The following CCT8L2 variants were observed in gnomAD, a reference collection of about 807,000 sequenced individuals.
CCT8L2 encodes chaperonin containing TCP1 subunit 8 like 2, also known as T-complex protein 1 subunit theta-like 2.
Under a neutral mutation model 31.5 loss-of-function variants are expected in CCT8L2, and 29 were observed. The observed-to-expected ratio is 0.92, with a 90% CI of 0.68 to 1.25. The LOEUF is 1.25. CCT8L2 is among the 50% of genes most tolerant of loss of function. The pLI is 0.00. For synonymous variants in CCT8L2, 256 were observed against 290.1 expected, an observed-to-expected ratio of 0.88 and a Z score of 1.19; for missense variants, 589 against 695.7, an observed-to-expected ratio of 0.85 and a Z score of 1.73.
In CCT8L2 at chr22:16,591,956, T is replaced by C; in HGVS notation, c.595A>G (p.Lys199Glu). 1 of 1,614,082 alleles carries C rather than the reference T, an allele frequency of 6.2e-7. No homozygotes were observed. The highest frequency in any genetic ancestry group is 1.1e-5 in the South Asian group (1 of 91,068). ...GCGCACACCCCAACACGCTCAGGCT[T>C]GAAGCTGCCGTCTAGTTCCTTGATA... ...WAIKELDGSF[K>E]PERVGVCALP... Residue 199 changes from lysine to glutamate, a missense_variant, in exon 1 of 1, where the codon AAG becomes GAG. Transcript: ENST00000359963.
At position 16,591,234 on chromosome 22, in the gene CCT8L2, T is replaced by A. The variant is rs572374624; in HGVS notation, c.1317A>T (p.Leu439=). ...GATACTTCAGGGCCCAGGCAAATGC[T>A]AGGAATGCAGGCCCACTGGGCCCTT... ...RLEGPSGPAF[L]AFAWALKYLP... Residue 439 remains leucine, a synonymous_variant, in exon 1 of 1, where the codon CTA becomes CTT. Coordinates refer to ENST00000359963, the MANE Select transcript of CCT8L2 (RefSeq NM_014406.5). 7 of 1,614,038 alleles carry A rather than the reference T, an allele frequency of 4.3e-6. No individual in the cohort carries two copies. The East Asian group carries it at 1.6e-4, about 36-fold the overall frequency.
In CCT8L2 at chr22:16,591,113, C is replaced by T; in HGVS notation, c.1438G>A (p.Val480Met). 1 of 1,614,042 alleles carries T rather than the reference C, an allele frequency of 6.2e-7. No homozygotes were observed. Among genetic ancestry groups the T allele is most frequent in the Non-Finnish European group, 8.5e-7 (1 of 1,179,876 alleles). ...ACATTTATTATCCCTTCAGTTCCCA[C>T]ACCCATTAGGAGGTTCCCACCTTGG... ...VHQGGNLLMG[V>M]GTEGIINVAQ... The change falls in exon 1 of 1, where the codon GTG becomes ATG. Residue 480 changes from valine (V) to methionine (M), a missense_variant. By Grantham distance (21) the Val-to-Met change is conservative. Transcript: ENST00000359963.
In CCT8L2 at chr22:16,591,891, C is replaced by T. The variant is rs145249160; in HGVS notation, c.660G>A (p.Pro220=). The part of the protein sequence containing the change: ...GGTLEDSCLL[P]GLAISGKLCG... Reference sequence around the variant, plus strand: ...AGAGCTTCCCAGATATTGCTAACCCCGGGAGGAGGCAGGAATCCTCCAGTG... The same window carrying T: ...AGAGCTTCCCAGATATTGCTAACCCTGGGAGGAGGCAGGAATCCTCCAGTG... The change falls in exon 1 of 1, where the codon CCG becomes CCA. Residue 220 remains proline, a synonymous_variant. Transcript: ENST00000359963. 2.6e-4 allele frequency: 420 copies of T among 1,614,106 alleles called. No individual in the cohort carries two copies. The highest frequency in any genetic ancestry group is 2.0e-3 in the African/African-American group (150 of 75,022).
At position 16,592,513 on chromosome 22, in the gene CCT8L2, T is replaced by A. The variant is rs754145059; in HGVS notation, c.38A>T (p.Gln13Leu). The change falls in exon 1 of 1, where the codon CAG becomes CTG. Residue 13 changes from glutamine to leucine, a missense_variant. Gln to Leu is a moderately radical substitution (Grantham distance 113). Transcript: ENST00000359963. The part of the protein sequence containing the change: ...STVPSALELP[Q>L]RLALNPRESP... ...CTCCCTTGGGTTCAGTGCCAGCCGC[T>A]GGGGCAGCTCCAGGGCTGAAGGGAC... is the stretch of plus-strand genomic sequence containing the variant. 87 of 1,613,706 alleles carry A rather than the reference T, an allele frequency of 5.4e-5. No individual in the cohort carries two copies. Among genetic ancestry groups the A allele is most frequent in the Non-Finnish European group, 7.3e-5 (86 of 1,180,010 alleles).
In CCT8L2 at chr22:16,592,067, A is replaced by G. The variant is rs1162623614; in HGVS notation, c.484T>C (p.Ser162Pro). Residue 162 changes from serine to proline, a missense_variant, in exon 1 of 1, where the codon TCC (serine) becomes CCC (proline). Ser to Pro is a moderately conservative substitution (Grantham distance 74). Coordinates refer to ENST00000359963, the MANE Select transcript of CCT8L2 (RefSeq NM_014406.5). ...IQSLGPLEDP[S>P]WALHSVMNTH... The stretch of plus-strand genomic sequence containing the variant: ...TTCATCACAGAATGGAGGGCCCAGG[A>G]TGGATCTTCCAAAGGCCCCAGAGAT... The G allele has an allele frequency of 4.3e-6, 7 of 1,614,112 alleles. No individual in the cohort carries two copies. Among genetic ancestry groups the G allele is most frequent in the Non-Finnish European group, 4.2e-6 (5 of 1,180,052 alleles).
rs752883072 is a variant in CCT8L2 at position 16,592,035 on chromosome 22, G to A, written c.516C>T (p.His172=). 1.4e-5 allele frequency: 22 copies of A among 1,614,122 alleles called. No homozygotes were observed. In the Admixed American group the frequency reaches 1.5e-4, roughly 11 times the overall value. The change falls in exon 1 of 1, where the codon CAC becomes CAT. Residue 172 remains histidine, a synonymous_variant. Transcript: ENST00000359963. ...SWALHSVMNT[H]TLSPMDHLTK... ...TCAAGTGGTCCATGGGGGACAGGGT[G>A]TGGGTATTCATCACAGAATGGAGGG...
At position 16,591,481 on chromosome 22, in the gene CCT8L2, T is replaced by C. The variant is rs749716174; in HGVS notation, c.1070A>G (p.Asp357Gly). ...CCATTCAAATACCACAGCCAAACCA[T>C]CTCCCAGCTCCTGCCTGTAAACCCT... Reference protein sequence around the residue: ...CQRVYRQELGDGLAVVFEWEC... With the variant: ...CQRVYRQELGGGLAVVFEWEC... The change falls in exon 1 of 1, where the codon GAT (aspartate) becomes GGT (glycine). Residue 357 changes from aspartate to glycine, a missense_variant. Transcript: ENST00000359963. 30 of 1,614,012 alleles carry C rather than the reference T, an allele frequency of 1.9e-5. No homozygotes were observed. The highest frequency in any genetic ancestry group is 2.0e-5 in the Non-Finnish European group (24 of 1,180,002).
Position 16,592,696 on chromosome 22 carries a change from C to T in CCT8L2, c.-146G>A, listed in dbSNP as rs1185881214. The T allele has an allele frequency of 2.9e-6, 2 of 694,198 alleles. No homozygotes were observed. The highest frequency in any genetic ancestry group is 4.9e-6 in the Non-Finnish European group (2 of 410,392). 43.0% of individuals were successfully genotyped at this position (694,198 alleles called of 1,614,324 possible). Reference sequence around the variant, plus strand: ...ATGCCCATTGATTGGTATCTGAAGACATCAGCACGGACCAGCACTCCACTG... The same window carrying T: ...ATGCCCATTGATTGGTATCTGAAGATATCAGCACGGACCAGCACTCCACTG... On this transcript the variant is annotated 5_prime_UTR_variant, in exon 1 of 1. It removes an upstream start codon present in the reference 5' UTR. Coordinates refer to ENST00000359963, the MANE Select transcript of CCT8L2 (RefSeq NM_014406.5).
Position 16,592,543 on chromosome 22 carries a change from C to A in CCT8L2, c.8G>T (p.Ser3Ile). The A allele has an allele frequency of 2.5e-6, 4 of 1,607,798 alleles. No individual in the cohort carries two copies. Among genetic ancestry groups the A allele is most frequent in the Non-Finnish European group, 3.4e-6 (4 of 1,177,242 alleles). Residue 3 changes from serine to isoleucine, a missense_variant, in exon 1 of 1, where the codon AGC becomes ATC. Physicochemically the swap from Ser to Ile is moderately radical, Grantham distance 142 (BLOSUM62 -2). Transcript: ENST00000359963. ...CAGCTCCAGGGCTGAAGGGACTGTGCTGTCCATGGCCCGCAGAGAGAGGAG... is the reference window on the plus strand; with the variant it reads ...CAGCTCCAGGGCTGAAGGGACTGTGATGTCCATGGCCCGCAGAGAGAGGAG... MD[S>I]TVPSALELPQ... is the part of the protein sequence containing the mutation.
Position 16,591,098 on chromosome 22 carries a change from T to A in CCT8L2, c.1453A>T (p.Ile485Leu), listed in dbSNP as rs2059588267. The part of the protein sequence containing the change: ...NLLMGVGTEG[I>L]INVAQEGVWD... Reference sequence around the variant, plus strand: ...ACCCCTTCCTGGGCCACATTTATTATCCCTTCAGTTCCCACACCCATTAGG... The same window carrying A: ...ACCCCTTCCTGGGCCACATTTATTAACCCTTCAGTTCCCACACCCATTAGG... Residue 485 changes from isoleucine (I) to leucine (L), a missense_variant, in exon 1 of 1, where the codon ATA becomes TTA. Coordinates refer to ENST00000359963, the MANE Select transcript of CCT8L2 (RefSeq NM_014406.5). 1 of 1,614,010 alleles carries A rather than the reference T, an allele frequency of 6.2e-7. No homozygotes were observed.
rs753900475 is a variant in CCT8L2 at position 16,590,914 on chromosome 22, G to A, written c.1637C>T (p.Pro546Leu). The change falls in exon 1 of 1, where the codon CCT becomes CTT. Residue 546 changes from proline (P) to leucine (L), a missense_variant. Transcript: ENST00000359963. ...DSKKTKKHPPPVETKKILGLN... is the reference protein window; with the variant it reads ...DSKKTKKHPPLVETKKILGLN... Reference sequence around the variant, plus strand: ...TCCAAGGATTTTTTTTGTTTCCACAGGAGGTGGGTGTTTCTTTGTCTTCTT... The same window carrying A: ...TCCAAGGATTTTTTTTGTTTCCACAAGAGGTGGGTGTTTCTTTGTCTTCTT... 1.9e-6 allele frequency: 3 copies of A among 1,612,968 alleles called. No individual in the cohort carries two copies. Among genetic ancestry groups the A allele is most frequent in the East Asian group, 2.2e-5 (1 of 44,876 alleles).
chr22:16,591,645 C>G lies in CCT8L2; in HGVS notation c.906G>C (p.Glu302Asp), dbSNP rs1480037196. ...VAVVLGEVDE[E>D]TLTLADKYGI... ...CATACTTGTCCGCCAGTGTGAGGGT[C>G]TCCTCGTCGACCTCCCCCAACACCA... Residue 302 changes from glutamate to aspartate, a missense_variant, in exon 1 of 1, where the codon GAG becomes GAC. Transcript: ENST00000359963. 6.2e-7 allele frequency: 1 copy of G among 1,614,082 alleles called. No homozygotes were observed. Among genetic ancestry groups the G allele is most frequent in the Non-Finnish European group, 8.5e-7 (1 of 1,180,044 alleles).
In CCT8L2 at chr22:16,590,886, C is replaced by T. The variant is rs1270884959; in HGVS notation, c.1665G>A (p.Leu555=). 1 of 1,606,726 alleles carries T rather than the reference C, an allele frequency of 6.2e-7. No homozygotes were observed. ...PPVETKKILG[L]NN Reference sequence around the variant, plus strand: ...TTTATTGAGGGTATCACTAGTTATTCAATCCAAGGATTTTTTTTGTTTCCA... The same window carrying T: ...TTTATTGAGGGTATCACTAGTTATTTAATCCAAGGATTTTTTTTGTTTCCA... The change falls in exon 1 of 1, where the codon TTG becomes TTA. Residue 555 remains leucine, a synonymous_variant. Coordinates refer to ENST00000359963, the MANE Select transcript of CCT8L2 (RefSeq NM_014406.5).
rs777035647 is a variant in CCT8L2 at position 16,592,130 on chromosome 22, C to A, written c.421G>T (p.Ala141Ser). The part of the protein sequence containing the change: ...QLREAYATAT[A>S]EVLATLPSLA... ...GAGGGCAGTGTGGCCAGGACCTCTG[C>A]AGTGGCCGTGGCGTAGGCCTCCCGG... is the stretch of plus-strand genomic sequence containing the variant. Residue 141 changes from alanine (A) to serine (S), a missense_variant, in exon 1 of 1, where the codon GCA becomes TCA. Coordinates refer to ENST00000359963, the MANE Select transcript of CCT8L2 (RefSeq NM_014406.5). The A allele has an allele frequency of 4.3e-5, 69 of 1,614,220 alleles. 2 individuals are homozygous for A. The South Asian group carries it at 7.1e-4, about 17-fold the overall frequency.
rs1403698458 is a variant in CCT8L2 at position 16,591,694 on chromosome 22, G to A, written c.857C>T (p.Ala286Val). The A allele has an allele frequency of 1.2e-6, 2 of 1,614,224 alleles. No homozygotes were observed. Among genetic ancestry groups the A allele is most frequent in the Admixed American group, 3.3e-5 (2 of 60,034 alleles). Reference sequence around the variant, plus strand: ...CACTGCCACATTAATTCCTGCAGCTGCTAGCTGGCCTACTTGCTTTTCTAG... The same window carrying A: ...CACTGCCACATTAATTCCTGCAGCTACTAGCTGGCCTACTTGCTTTTCTAG... ...QLLEKQVGQL[A>V]AAGINVAVVL... is the part of the protein sequence containing the mutation. The change falls in exon 1 of 1, where the codon GCA becomes GTA. Residue 286 changes from alanine to valine, a missense_variant. Transcript: ENST00000359963.
At position 16,591,622 on chromosome 22, in the gene CCT8L2, T is replaced by C; in HGVS notation, c.929A>G (p.Tyr310Cys). 3 of 1,614,172 alleles carry C rather than the reference T, an allele frequency of 1.9e-6. No homozygotes were observed. Among genetic ancestry groups the C allele is most frequent in the Non-Finnish European group, 2.5e-6 (3 of 1,180,018 alleles). The change falls in exon 1 of 1, where the codon TAT (tyrosine) becomes TGT (cysteine). Residue 310 changes from tyrosine to cysteine, a missense_variant. Physicochemically the swap from Tyr to Cys is radical, Grantham distance 194 (BLOSUM62 -2). Transcript: ENST00000359963. ...CCTAGCTTGAATCACCACGATGCCA[T>C]ACTTGTCCGCCAGTGTGAGGGTCTC... ...DEETLTLADK[Y>C]GIVVIQARSW...
chr22:16,591,539 G>C lies in CCT8L2; in HGVS notation c.1012C>G (p.Leu338Val). The change falls in exon 1 of 1, where the codon CTG becomes GTG. Residue 338 changes from leucine to valine, a missense_variant. By Grantham distance (32) the Leu-to-Val change is conservative. Transcript: ENST00000359963. ...EVLDTPLLPR[L>V]LPPQRPGKCQ... The stretch of plus-strand genomic sequence containing the variant: ...TTGCCTGGCCTCTGGGGAGGGAGCA[G>C]ACGAGGCAGCAGAGGTGTGTCCAAC... 6 of 1,614,204 alleles carry C rather than the reference G, an allele frequency of 3.7e-6. No homozygotes were observed. The highest frequency in any genetic ancestry group is 3.4e-6 in the Non-Finnish European group (4 of 1,180,042).
rs777993201 is a variant in CCT8L2, at chr22:16,592,543, C to G, written c.8G>C (p.Ser3Thr). ...CAGCTCCAGGGCTGAAGGGACTGTG[C>G]TGTCCATGGCCCGCAGAGAGAGGAG... MDSTVPSALELPQ... is the reference protein window; with the variant it reads MDTTVPSALELPQ... Residue 3 changes from serine to threonine, a missense_variant, in exon 1 of 1, where the codon AGC becomes ACC. By Grantham distance (58) the Ser-to-Thr change is moderately conservative. Coordinates refer to ENST00000359963, the MANE Select transcript of CCT8L2 (RefSeq NM_014406.5). The G allele has an allele frequency of 3.1e-6, 5 of 1,607,798 alleles. No individual in the cohort carries two copies. Among genetic ancestry groups the G allele is most frequent in the Admixed American group, 3.4e-5 (2 of 59,138 alleles).
At position 16,592,631 on chromosome 22, in the gene CCT8L2, G is replaced by A. The variant is rs528410970; in HGVS notation, c.-81C>T. On this transcript the variant is annotated 5_prime_UTR_variant, in exon 1 of 1. It adds an upstream start codon to the 5' untranslated region. Coordinates refer to ENST00000359963, the MANE Select transcript of CCT8L2 (RefSeq NM_014406.5). ...AGCTGGGGCACTCCTGACACCGATC[G>A]TTGAAAGTACTCAAGAGGTCAGTGG... 161 of 1,243,614 alleles carry A rather than the reference G, an allele frequency of 1.3e-4. No homozygotes were observed. The highest frequency in any genetic ancestry group is 8.4e-4 in the Middle Eastern group (3 of 3,552). 77.0% of individuals were successfully genotyped at this position (1,243,614 alleles called of 1,614,324 possible).
Sources: gnomAD v4.1 joint callset for allele counts on GRCh38, gnomAD v4.1.1 for gene constraint, MANE v1.5 for transcripts, NCBI Gene and HGNC (gene_info 2026-07-23, HGNC 2026-07-21) for gene names.